The following DAB1 variants were observed in gnomAD, a reference collection of about 807,000 sequenced individuals.
DAB1 encodes DAB adaptor protein 1.
DAB1 carries 15 observed loss-of-function variants against 64.6 expected under a neutral mutation model. The ratio of observed to expected loss-of-function variants is 0.23; its 90% CI spans 0.16 to 0.36. DAB1 has a LOEUF of 0.36. DAB1 is among the 10% of genes least tolerant of loss of function. DAB1 has a pLI of 1.00. For missense variants in DAB1, 596 were observed against 706.7 expected, an observed-to-expected ratio of 0.84 and a Z score of 1.78; for synonymous variants, 235 against 251.9, an observed-to-expected ratio of 0.93 and a Z score of 0.64.
chr1:58,364,253 G>A (rs1400147248), intron 3 of DAB1, among the ~76,000 whole-genome samples: 1 of 152,224 alleles, frequency 6.6e-6, no homozygotes, highest in Non-Finnish European at 1.5e-5. Flanking sequence ...TGGCTTGGGA[G>A]TAGGAAGAGA....
intron 7 of DAB1, among the ~76,000 whole-genome samples, chr1:57,517,166 T>C (rs1314048962): frequency 6.6e-6 from 1 of 152,124 alleles, no homozygotes; most frequent in East Asian, 1.9e-4. Flanking sequence ...TTTATTTATT[T>C]ATTTATTTTT....
rs11358277 is a variant in DAB1, at chr1:57,535,470, C to CTT, written n.625+114120_625+114121dup. On this transcript the variant is annotated intron_variant and non_coding_transcript_variant, in intron 7 of 20. Transcript: ENST00000485760. ...CTACTGTTACATTTTGTTGGACATTCTTTTTTTTTTTTTTTTTGGAGACTG... is the reference window on the plus strand; with the variant it reads ...CTACTGTTACATTTTGTTGGACATTCTTTTTTTTTTTTTTTTTTTGGAGACTG... 3.5e-3 allele frequency among the ~76,000 whole-genome samples: 459 copies of CTT among 130,356 alleles called. 4 individuals are homozygous for CTT. The highest frequency in any genetic ancestry group is 0.012 in the Middle Eastern group (3 of 252). The allele number at this position is 130,356 out of a possible 152,430, so 85.5% of individuals were successfully genotyped here.
At chr1:58,108,092 G>A (rs1331832061) in intron 5 of DAB1, among the ~76,000 whole-genome samples, 1 of 152,204 alleles carries the variant, frequency 6.6e-6, no homozygotes, top group Non-Finnish European at 1.5e-5. Context: ...ACACAGCACT[G>A]GTGAGAAATT....
intron 5 of DAB1, among the ~76,000 whole-genome samples, chr1:57,984,690 A>T (rs1646168556): frequency 6.6e-6 from 1 of 152,236 alleles, no homozygotes; most frequent in Non-Finnish European, 1.5e-5. Flanking sequence ...ATTCTGTGAA[A>T]GCATAAAGGT....
intron 4 of DAB1, among the ~76,000 whole-genome samples, chr1:58,153,093 A>C (rs1655031247): frequency 1.3e-5 from 2 of 152,190 alleles, no homozygotes; most frequent in Non-Finnish European, 2.9e-5. Context: ...AAAATGTGTG[A>C]AACTTCTTTT....
At chr1:57,828,095 A>G (rs58268559) in intron 1 of DAB1, among the ~76,000 whole-genome samples, 3,232 of 152,046 alleles carry the variant, frequency 0.021, 91 homozygotes, top group East Asian at 0.13. Context: ...ACAGGCGCCC[A>G]CCACCATGCC....
chr1:57,583,313 A>C (rs12032356), intron 7 of DAB1, among the ~76,000 whole-genome samples: 29,940 of 145,014 alleles, frequency 0.21, 3,624 homozygotes, highest in Non-Finnish European at 0.27. Flanking sequence ...TTTTGATGGA[A>C]TCTCGCCCTG....
At chr1:57,970,147 C>T (rs552070794) in intron 5 of DAB1, among the ~76,000 whole-genome samples, 1 of 152,296 alleles carries the variant, frequency 6.6e-6, no homozygotes, top group East Asian at 1.9e-4. Flanking sequence ...GGACTTCCAG[C>T]CTCCATAACT....
chr1:58,491,042 C>T (rs1400713529), intron 3 of DAB1, among the ~76,000 whole-genome samples: 1 of 151,794 alleles, frequency 6.6e-6, no homozygotes, highest in Non-Finnish European at 1.5e-5. Flanking sequence ...CTCCTGACCT[C>T]GTGATCCACC....
chr1:57,318,655 A>G (rs1259774009), intron 1 of DAB1, among the ~76,000 whole-genome samples: 2 of 151,698 alleles, frequency 1.3e-5, no homozygotes, highest in Non-Finnish European at 1.5e-5. Flanking sequence ...ATTAGAGAAA[A>G]TATGCATAGG....
chr1:57,609,966 C>T (rs1019025102), intron 7 of DAB1, among the ~76,000 whole-genome samples: 1 of 152,190 alleles, frequency 6.6e-6, no homozygotes, highest in Non-Finnish European at 1.5e-5. Context: ...TTGGAAATGG[C>T]TGCAGGGATG....
chr1:57,015,480 A>C (rs967460791), intron 11 of DAB1, 49 bp from the exon 12 acceptor site: 2 of 1,516,960 alleles, frequency 1.3e-6, no homozygotes, highest in African/African-American at 2.8e-5. Context: ...TGTCCTGGGA[A>C]AGAAGGATGC....
intron 1 of DAB1, among the ~76,000 whole-genome samples, chr1:57,347,017 T>G (rs1558211194): frequency 6.6e-6 from 1 of 152,160 alleles, no homozygotes; most frequent in Non-Finnish European, 1.5e-5. Flanking sequence ...AAAATATACC[T>G]TTTCTAATGT....
intron 1 of DAB1, among the ~76,000 whole-genome samples, chr1:57,830,880 A>G (rs1652554235): frequency 6.6e-6 from 1 of 152,206 alleles, no homozygotes; most frequent in East Asian, 1.9e-4. Context: ...TCTTTAGGCC[A>G]GAAACATCAG....
In DAB1 at chr1:57,046,247, G is replaced by T. The variant is rs1648473701; in HGVS notation, c.723+16637C>A. ...CAATGAAGCCTTTGGATTCCCTGAAGTAGATACAGCTTGCCAAGCACTAAG... is the reference window on the plus strand; with the variant it reads ...CAATGAAGCCTTTGGATTCCCTGAATTAGATACAGCTTGCCAAGCACTAAG... On this transcript the variant is annotated intron_variant, in intron 9 of 14. Coordinates refer to ENST00000371236, the MANE Select transcript of DAB1 (RefSeq NM_001365792.1). 4.6e-5 allele frequency among the ~76,000 whole-genome samples: 7 copies of T among 152,206 alleles called. No individual in the cohort carries two copies. In the South Asian group the frequency reaches 1.2e-3, roughly 27 times the overall value.
intron 2 of DAB1, among the ~76,000 whole-genome samples, chr1:57,270,359 C>G (rs1670898402): frequency 6.6e-6 from 1 of 152,182 alleles, no homozygotes; most frequent in African/African-American, 2.4e-5. Flanking sequence ...GGGTATCAAA[C>G]AATTTATTTA....
intron 5 of DAB1, among the ~76,000 whole-genome samples, chr1:57,950,729 A>G (rs1645260405): frequency 6.6e-6 from 1 of 152,196 alleles, no homozygotes; most frequent in Non-Finnish European, 1.5e-5. Context: ...TTCAAAACCC[A>G]GCTCAGACAT....
At chr1:57,846,929 C>A (rs1459007621) in intron 1 of DAB1, among the ~76,000 whole-genome samples, 3 of 152,190 alleles carry the variant, frequency 2.0e-5, no homozygotes, top group Non-Finnish European at 2.9e-5. Flanking sequence ...ACTTAAGAAT[C>A]TGTCTGGTTT....
In DAB1 at chr1:58,429,437, G is replaced by A. The variant is rs1295402897; in HGVS notation, n.257+76623C>T. ...AGAAACTAGCAAAGGAGACAGAGCA[G>A]GACAGTCAGTGCAGTGGGAGGACGA... On this transcript the variant is annotated intron_variant and non_coding_transcript_variant, in intron 3 of 20. Coordinates refer to the DAB1 transcript ENST00000485760. 2.0e-5 allele frequency among the ~76,000 whole-genome samples: 3 copies of A among 152,202 alleles called. No individual in the cohort carries two copies. In the East Asian group the frequency reaches 5.8e-4, roughly 29 times the overall value.
Sources: gnomAD v4.1 joint callset for allele counts (sites outside exome capture counted in the v4.1 genomes callset) on GRCh38, gnomAD v4.1.1 for gene constraint, MANE v1.5 for transcripts, NCBI Gene and HGNC (gene_info 2026-07-23, HGNC 2026-07-21) for gene names.